Variants in VIPAS39 observed in about 807,000 individuals in gnomAD.
The protein encoded by VIPAS39 is VPS33B interacting protein, apical-basolateral polarity regulator, spe-39 homolog.
VIPAS39 carries 63 observed loss-of-function variants against 84.7 expected under a neutral mutation model. The ratio of observed to expected loss-of-function variants is 0.74; its 90% confidence interval spans 0.61 to 0.92. The LOEUF is 0.92. VIPAS39 is among the 40% of genes least tolerant of loss of function. The pLI is 0.00. For synonymous variants in VIPAS39, 192 were observed against 216.5 expected (o/e 0.89, Z 0.99); for missense variants, 499 against 604.5 (o/e 0.83, Z 1.83).
At position 77,429,679 on chromosome 14, in the gene VIPAS39, AC is replaced by A. The variant is rs1335750675; in HGVS notation, c.1266+1del. The A allele has an allele frequency of 6.2e-7, 1 of 1,614,076 alleles. No homozygotes were observed. The highest frequency in any genetic ancestry group is 8.5e-7 in the Non-Finnish European group (1 of 1,179,948). ...TACCCAACTCTCTTCAGGACCCATT[AC>A]CTGCACAGGGGCATTGTTCTTGTGC... On this transcript the variant is annotated splice_donor_variant, in intron 17 of 19. Coordinates refer to ENST00000557658, the MANE Select transcript of VIPAS39 (RefSeq NM_001193315.2). LOFTEE classifies it high-confidence loss of function.
chr14:77,427,980 A>G (rs117483971), intron 19 of VIPAS39, among the ~76,000 whole-genome samples: 2 of 152,304 alleles, frequency 1.3e-5, no homozygotes, highest in East Asian at 3.9e-4. Flanking sequence ...CTCCCCAGGT[A>G]GCTAACATCT....
chr14:77,427,953 G>C (rs1048508676), intron 19 of VIPAS39, among the ~76,000 whole-genome samples: 1 of 152,124 alleles, frequency 6.6e-6, no homozygotes, highest in African/African-American at 2.4e-5. Context: ...CCTGCTGTGA[G>C]AGACGAACCA....
intron 1 of VIPAS39, among the ~76,000 whole-genome samples, chr14:77,456,721 T>C (rs2078966422): frequency 2.0e-5 from 3 of 152,242 alleles, no homozygotes; most frequent in African/African-American, 4.8e-5. Context: ...AGAATGTGTC[T>C]AACAAACACA....
At chr14:77,448,256 G>A (rs905508972) in intron 7 of VIPAS39, among the ~76,000 whole-genome samples, 2 of 151,998 alleles carry the variant, frequency 1.3e-5, no homozygotes, top group African/African-American at 4.8e-5. Context: ...CCCTGGCCCT[G>A]GCCTCTCACT....
At chr14:77,432,589 T>C in intron 16 of VIPAS39, among the ~76,000 whole-genome samples, 1 of 152,040 alleles carries the variant, frequency 6.6e-6, no homozygotes, top group East Asian at 1.9e-4. Flanking sequence ...TATTCAGAAC[T>C]TAAAAAATAA....
At chr14:77,434,344 T>C (rs1236871517) in intron 14 of VIPAS39, 41 bp from the exon 15 acceptor site, 1 of 1,590,186 alleles carries the variant, frequency 6.3e-7, no homozygotes, top group African/African-American at 1.3e-5. Context: ...GATATTGACT[T>C]TCCCAAGTAC....
rs376541848 is a variant in VIPAS39, at chr14:77,428,382, A to G, written c.1449T>C (p.Leu483=). ...TGTAGCTGCTCACCGAGCTGCTGAG[A>G]AGAGCATCAATCTTCTCCTCCTCTG... ...GSAEEEKIDA[L]LSSSQIRWKN Residue 483 remains leucine (L), a synonymous_variant, in exon 19 of 20, where the codon CTT becomes CTC. Coordinates refer to ENST00000557658, the MANE Select transcript of VIPAS39 (RefSeq NM_001193315.2). 5.6e-6 allele frequency: 9 copies of G among 1,613,772 alleles called. No homozygotes were observed. The highest frequency in any genetic ancestry group is 7.6e-6 in the Non-Finnish European group (9 of 1,179,914).
At chr14:77,434,932 T>C (rs1323268533) in intron 14 of VIPAS39, among the ~76,000 whole-genome samples, 1 of 151,524 alleles carries the variant, frequency 6.6e-6, no homozygotes, top group Admixed American at 6.6e-5. Flanking sequence ...CCATAGCTAC[T>C]TGCCACCCTA....
chr14:77,447,328 C>T (rs1357486596), intron 7 of VIPAS39, among the ~76,000 whole-genome samples: 5 of 145,256 alleles, frequency 3.4e-5, no homozygotes, highest in Non-Finnish European at 7.5e-5. Context: ...CCCGGCCGCA[C>T]ACCTGGCTAA....
At position 77,433,851 on chromosome 14, in the gene VIPAS39, G is replaced by A. The variant is rs148380631; in HGVS notation, c.1170C>T (p.Phe390=). 5.0e-6 allele frequency: 8 copies of A among 1,613,936 alleles called. No homozygotes were observed. The highest frequency in any genetic ancestry group is 3.3e-5 in the Admixed American group (2 of 60,016). ...GGGGCAGGGCACACACCTTTGTGGTGAATAGGGCATCTACATCATTCCAGG... is the reference window on the plus strand; with the variant it reads ...GGGGCAGGGCACACACCTTTGTGGTAAATAGGGCATCTACATCATTCCAGG... The part of the protein sequence containing the change: ...LRAWNDVDAL[F]TTKNWLGYTK... The change falls in exon 16 of 20, where the codon TTC becomes TTT. Residue 390 remains phenylalanine (F), a synonymous_variant. Transcript: ENST00000557658.
Position 77,428,977 on chromosome 14 carries a change from C to T in VIPAS39, c.1356+29G>A, listed in dbSNP as rs191050820. On this transcript the variant is annotated intron_variant, in intron 18 of 19. Coordinates refer to ENST00000557658, the MANE Select transcript of VIPAS39 (RefSeq NM_001193315.2). ...CCCTGCTTCGCCACTGAGGATCTAACGGAGGACTCCCATTTCTTGGGGACT... is the reference window on the plus strand; with the variant it reads ...CCCTGCTTCGCCACTGAGGATCTAATGGAGGACTCCCATTTCTTGGGGACT... 244 of 1,598,460 alleles carry T rather than the reference C, an allele frequency of 1.5e-4. 2 individuals carry two copies. The African/African-American group carries it at 1.8e-3, about 12-fold the overall frequency.
chr14:77,440,730 G>A (rs187313671), intron 11 of VIPAS39, among the ~76,000 whole-genome samples: 587 of 152,036 alleles, frequency 3.9e-3, no homozygotes, highest in Middle Eastern at 6.8e-3. Flanking sequence ...TAGATTTCTG[G>A]GTTCGTGAGA....
chr14:77,433,881 A>C lies in VIPAS39; in HGVS notation c.1140T>G (p.Leu380=). The C allele has an allele frequency of 3.1e-6, 5 of 1,614,096 alleles. No individual in the cohort carries two copies. Among genetic ancestry groups the C allele is most frequent in the Non-Finnish European group, 4.2e-6 (5 of 1,179,976 alleles). The change falls in exon 16 of 20, where the codon CTT becomes CTG. Residue 380 remains leucine, a synonymous_variant. Coordinates refer to ENST00000557658, the MANE Select transcript of VIPAS39 (RefSeq NM_001193315.2). ...VLTALAARAK[L]RAWNDVDALF... ...GGGCATCTACATCATTCCAGGCTCG[A>C]AGCTTGGCACGAGCAGCCAGGGCTG...
intron 10 of VIPAS39, 130 bp from the exon 11 acceptor site, chr14:77,441,223 G>T: frequency 1.0e-6 from 1 of 999,936 alleles, no homozygotes; most frequent in Non-Finnish European, 1.5e-6. Flanking sequence ...CAAGATAAAT[G>T]GTTGATCAGA....
At chr14:77,440,271 A>G (rs2078681110) in intron 11 of VIPAS39, 1 of 150,820 alleles carries the variant, frequency 6.6e-6, no homozygotes, top group East Asian at 2.0e-4. Context: ...TTTTGGTAAA[A>G]TTTCAGATTT....
chr14:77,432,022 C>T (rs953319932), intron 16 of VIPAS39, among the ~76,000 whole-genome samples: 3 of 152,040 alleles, frequency 2.0e-5, no homozygotes, highest in African/African-American at 7.2e-5. Flanking sequence ...GGAATATTAG[C>T]TTTAGAGATC....
At position 77,442,479 on chromosome 14, in the gene VIPAS39, G is replaced by A. The variant is rs540851763; in HGVS notation, c.734+81C>T. 5.3e-5 allele frequency: 64 copies of A among 1,216,226 alleles called. No homozygotes were observed. In the East Asian group the frequency reaches 6.5e-4, roughly 12 times the overall value. 75.3% of individuals were successfully genotyped at this position (1,216,226 alleles called of 1,614,324 possible). ...CACTTCCAGGAAAAGGGCAGTTGGC[G>A]TCTTCTATTCCTTTGTATCCCTCAG... On this transcript the variant is annotated intron_variant, in intron 10 of 19. Coordinates refer to ENST00000557658, the MANE Select transcript of VIPAS39 (RefSeq NM_001193315.2).
chr14:77,457,068 C>T, intron 1 of VIPAS39: 2 of 1,385,376 alleles, frequency 1.4e-6, no homozygotes, highest in Non-Finnish European at 1.9e-6. Context: ...ATGCTCCCTG[C>T]CTCAGAAAAC....
Position 77,428,363 on chromosome 14 carries a change from T to G in VIPAS39, c.1461+7A>C. On this transcript the variant is annotated splice_region_variant and intron_variant, in intron 19 of 19. Transcript: ENST00000557658. ...GCCTGCTGGAGGGGTGAACTGTAGC[T>G]GCTCACCGAGCTGCTGAGAAGAGCA... 6.2e-7 allele frequency: 1 copy of G among 1,609,252 alleles called. No individual in the cohort carries two copies. Among genetic ancestry groups the G allele is most frequent in the Non-Finnish European group, 8.5e-7 (1 of 1,175,688 alleles).
Sources: gnomAD v4.1 joint callset for allele counts (sites outside exome capture counted in the v4.1 genomes callset) on GRCh38, gnomAD v4.1.1 for gene constraint, MANE v1.5 for transcripts, NCBI Gene and HGNC (gene_info 2026-07-23, HGNC 2026-07-21) for gene names.